PVT1: variants seen among roughly 807,000 people sequenced by gnomAD.
The protein encoded by PVT1 is Pvt1 oncogene, also known as CXCR4/PVT1 fusion.
chr8:128,084,765 C>G (rs1814236379), intron 5 of PVT1, among the ~76,000 whole-genome samples: 1 of 152,184 alleles, frequency 6.6e-6, no homozygotes, highest in Non-Finnish European at 1.5e-5. Flanking sequence ...TAGATATGTT[C>G]TGAATAATGG....
chr8:127,985,436 CT>C (rs549166946), intron 3 of PVT1, among the ~76,000 whole-genome samples: 7,573 of 141,766 alleles, frequency 0.053, 258 homozygotes, highest in African/African-American at 0.1. Context: ...TGAGTAGCTG[CT>C]TTTTTTTTTT....
chr8:127,867,721 G>A (rs930910748), intron 2 of PVT1, among the ~76,000 whole-genome samples: 4 of 152,154 alleles, frequency 2.6e-5, no homozygotes, highest in African/African-American at 9.7e-5. Context: ...ACATGGTGGC[G>A]GGTGGGGTGG....
chr8:127,984,238 G>A (rs1381220490), intron 3 of PVT1: 2 of 152,132 alleles, frequency 1.3e-5, no homozygotes, highest in Admixed American at 6.6e-5. Context: ...CCTCAGTTTG[G>A]GTTGAGACTG....
intron 3 of PVT1, among the ~76,000 whole-genome samples, chr8:127,972,265 C>G (rs547692955): frequency 1.9e-4 from 29 of 152,372 alleles, no homozygotes; most frequent in African/African-American, 6.7e-4. Context: ...GGGCAGGCCA[C>G]TCCAGCCGGC....
At chr8:127,903,642 T>A (rs1815785945) in intron 3 of PVT1, among the ~76,000 whole-genome samples, 1 of 152,242 alleles carries the variant, frequency 6.6e-6, no homozygotes, top group Non-Finnish European at 1.5e-5. Context: ...CTTCTGCATA[T>A]GGATAGCCAT....
chr8:128,019,668 C>T (rs771801824), intron 4 of PVT1, among the ~76,000 whole-genome samples: 13 of 152,196 alleles, frequency 8.5e-5, no homozygotes, highest in Non-Finnish European at 1.6e-4. Context: ...TACGGTATCA[C>T]GGATGTCTTC....
At chr8:127,823,928 C>T (rs895758740) in intron 2 of PVT1, among the ~76,000 whole-genome samples, 1 of 152,198 alleles carries the variant, frequency 6.6e-6, no homozygotes, top group African/African-American at 2.4e-5. Flanking sequence ...TGAGGTGGCT[C>T]ACGCCTGTAA....
chr8:128,071,719 T>TAAATAAAA (rs1384028107), intron 5 of PVT1, among the ~76,000 whole-genome samples: 1 of 150,530 alleles, frequency 6.6e-6, no homozygotes, highest in African/African-American at 2.4e-5. Flanking sequence ...AATAAATAAA[T>TAAATAAAA]AAAAATAAAA....
intron 4 of PVT1, among the ~76,000 whole-genome samples, chr8:128,000,901 G>T (rs1267309213): frequency 6.6e-6 from 1 of 152,200 alleles, no homozygotes; most frequent in Non-Finnish European, 1.5e-5. Context: ...TCATGCAGCT[G>T]CTGCTTCTCC....
At chr8:128,028,678 A>G (rs996481436) in intron 4 of PVT1, among the ~76,000 whole-genome samples, 1 of 152,188 alleles carries the variant, frequency 6.6e-6, no homozygotes, top group African/African-American at 2.4e-5. Flanking sequence ...GTGAAGGGTG[A>G]TGAATACTGT....
chr8:127,998,435 T>C (rs1817132121), intron 4 of PVT1: 1 of 152,354 alleles, frequency 6.6e-6, no homozygotes, highest in African/African-American at 2.4e-5. Context: ...TCATGGTTTT[T>C]CTTCCTTGGC....
intron 3 of PVT1, among the ~76,000 whole-genome samples, chr8:127,928,031 A>G (rs1381228659): frequency 6.6e-6 from 1 of 152,190 alleles, no homozygotes; most frequent in East Asian, 1.9e-4. Context: ...CCTACTGACA[A>G]AGATTCTTTG....
At chr8:127,901,378 A>G (rs567692322) in intron 3 of PVT1, among the ~76,000 whole-genome samples, 1 of 152,292 alleles carries the variant, frequency 6.6e-6, no homozygotes, top group Admixed American at 6.5e-5. Flanking sequence ...TGTCTCAGCC[A>G]GGATCTGGGG....
Position 128,024,595 on chromosome 8 carries a change from C to G in PVT1, n.912+35304C>G, listed in dbSNP as rs142737273. The stretch of plus-strand genomic sequence containing the variant: ...CAAGCCATGATTGTGTCACTGCACT[C>G]CAGCCTGGGTGACAGAGTAAGACCC... On this transcript the variant is annotated intron_variant and non_coding_transcript_variant, in intron 4 of 10. Transcript: ENST00000651587. 2.4e-4 allele frequency among the ~76,000 whole-genome samples: 36 copies of G among 152,206 alleles called. 1 individual carries two copies. In the East Asian group the frequency reaches 2.9e-3, roughly 12 times the overall value.
intron 5 of PVT1, among the ~76,000 whole-genome samples, chr8:128,092,866 TCTC>T (rs1371608424): frequency 1.3e-5 from 2 of 152,146 alleles, no homozygotes; most frequent in African/African-American, 2.4e-5. Context: ...CGCCAGGAGA[TCTC>T]CTGCCATCTA....
At chr8:128,017,898 G>A (rs1817391681) in intron 4 of PVT1, among the ~76,000 whole-genome samples, 1 of 152,152 alleles carries the variant, frequency 6.6e-6, no homozygotes, top group Non-Finnish European at 1.5e-5. Context: ...GTCACATTCA[G>A]CTCCTGTGTT....
intron 3 of PVT1, among the ~76,000 whole-genome samples, chr8:127,980,408 G>A (rs1816869827): frequency 6.6e-6 from 1 of 152,154 alleles, no homozygotes; most frequent in African/African-American, 2.4e-5. Flanking sequence ...CTGACTTCCT[G>A]GAAGAGGCAA....
At chr8:127,830,261 A>T (rs1814834748) in intron 2 of PVT1, among the ~76,000 whole-genome samples, 1 of 152,178 alleles carries the variant, frequency 6.6e-6, no homozygotes, top group Non-Finnish European at 1.5e-5. Flanking sequence ...AGAGGTATGG[A>T]TAGACATTTC....
chr8:127,908,279 G>T (rs1313752211), intron 3 of PVT1, among the ~76,000 whole-genome samples: 1 of 151,516 alleles, frequency 6.6e-6, no homozygotes, highest in Non-Finnish European at 1.5e-5. Flanking sequence ...CATTATCTGT[G>T]CATGCATGTG....
Sources: allele counts gnomAD v4.1 joint callset (sites outside exome capture counted in the v4.1 genomes callset), GRCh38; gene constraint gnomAD v4.1.1; transcripts MANE v1.5; gene names NCBI Gene and HGNC (gene_info 2026-07-23, HGNC 2026-07-21).